OSBPL2: variants seen among roughly 807,000 people sequenced by gnomAD.
OSBPL2 encodes oxysterol-binding protein-related protein 2.
A neutral mutation model predicts 58.4 loss-of-function variants in OSBPL2; 18 were observed. The ratio of observed to expected loss-of-function variants is 0.31; its 90% CI spans 0.21 to 0.46. The LOEUF (loss-of-function observed/expected upper bound fraction) is 0.46. Among genes scored for constraint, OSBPL2 ranks in the 20% least tolerant of loss-of-function variants. OSBPL2 has a pLI of 1.00. For missense variants in OSBPL2, 461 were observed against 616.5 expected (o/e 0.75, Z 2.67); for synonymous variants, 221 against 234.1 (o/e 0.94, Z 0.51).
At chr20:62,251,479 G>A (rs1302147464) in intron 1 of OSBPL2, among the ~76,000 whole-genome samples, 2 of 150,758 alleles carry the variant, frequency 1.3e-5, no homozygotes, top group East Asian at 3.9e-4. Context: ...TGCAATCTCG[G>A]CTCACTGCAA....
At chr20:62,284,274 G>A (rs1982977285) in intron 10 of OSBPL2, 105 bp downstream of exon 10, 1 of 1,349,302 alleles carries the variant, frequency 7.4e-7, no homozygotes, top group South Asian at 1.2e-5. Flanking sequence ...GAACCTTTGG[G>A]CCCCACCAGG....
chr20:62,247,075 G>A (rs1238389770), intron 1 of OSBPL2, among the ~76,000 whole-genome samples: 1 of 152,200 alleles, frequency 6.6e-6, no homozygotes, highest in Non-Finnish European at 1.5e-5. Flanking sequence ...GCTTTGGTTT[G>A]CTCCTTGGCC....
At chr20:62,256,365 C>G in intron 2 of OSBPL2, 144 bp downstream of exon 2, 2 of 644,520 alleles carry the variant, frequency 3.1e-6, no homozygotes, top group Non-Finnish European at 5.2e-6. Flanking sequence ...ACGGACTGTT[C>G]AGCAAAACCT....
At position 62,293,838 on chromosome 20, in the gene OSBPL2, C is replaced by G; in HGVS notation, c.1394C>G (p.Ala465Gly). 6.2e-7 allele frequency: 1 copy of G among 1,614,096 alleles called. No individual in the cohort carries two copies. Among genetic ancestry groups the G allele is most frequent in the Non-Finnish European group, 8.5e-7 (1 of 1,179,992 alleles). Residue 465 changes from alanine (A) to glycine (G), a missense_variant, in exon 14 of 14, where the codon GCA (alanine) becomes GGA (glycine). By Grantham distance (60) the Ala-to-Gly change is moderately conservative. Around this residue, in one of 5 missense-constraint regions of OSBPL2, gnomAD observed 319 missense variants for 419.2 expected, o/e 0.76. Transcript: ENST00000313733. ...PYTGTPDWLYAGDYFERNFSD... is the reference protein window; with the variant it reads ...PYTGTPDWLYGGDYFERNFSD... ...ACTGGGACCCCCGACTGGTTGTATG[C>G]AGGGGATTACTTTGAGCGGAATTTC...
rs899182432 is a variant in OSBPL2 at position 62,269,527 on chromosome 20, CCT to C, written c.259-2594_259-2593del. On this transcript the variant is annotated intron_variant, in intron 4 of 13. Transcript: ENST00000313733. This position sits in a 1 kb window ranked among gnomAD's most constrained non-coding sequence, Gnocchi z 4.2. Reference sequence around the variant, plus strand: ...TGCACACAGTTGCGATACCATCTCTCCTCTCCTGAGCAAGGCAGCGTCTCCCC... The same window carrying C: ...TGCACACAGTTGCGATACCATCTCTCCTCCTGAGCAAGGCAGCGTCTCCCC... 2.0e-5 allele frequency among the ~76,000 whole-genome samples: 3 copies of C among 152,216 alleles called. No individual in the cohort carries two copies. The highest frequency in any genetic ancestry group is 7.2e-5 in the African/African-American group (3 of 41,448).
intron 11 of OSBPL2, 97 bp downstream of exon 11, chr20:62,286,808 C>T (rs1009460510): frequency 1.4e-6 from 2 of 1,403,304 alleles, no homozygotes; most frequent in African/African-American, 1.4e-5. Flanking sequence ...GGGCCCTTGC[C>T]TGCCGCCTCG....
intron 3 of OSBPL2, among the ~76,000 whole-genome samples, chr20:62,261,352 C>A (rs1043087026): frequency 6.8e-6 from 1 of 147,602 alleles, no homozygotes; most frequent in East Asian, 2.0e-4. Context: ...AAAGGCAGGA[C>A]AAGTGTCAGG....
intron 1 of OSBPL2, among the ~76,000 whole-genome samples, chr20:62,241,970 C>G (rs1285835203): frequency 6.6e-6 from 1 of 151,584 alleles, no homozygotes; most frequent in East Asian, 1.9e-4. Context: ...GATTTATAAC[C>G]TTATCTACAC....
intron 1 of OSBPL2, among the ~76,000 whole-genome samples, chr20:62,248,294 A>G (rs1980287612): frequency 6.6e-6 from 1 of 151,582 alleles, no homozygotes; most frequent in Non-Finnish European, 1.5e-5. Context: ...AGCTGAGATT[A>G]AAAGTGCACG....
intron 1 of OSBPL2, among the ~76,000 whole-genome samples, chr20:62,243,564 A>G (rs2145910708): frequency 6.6e-6 from 1 of 152,284 alleles, no homozygotes; most frequent in East Asian, 1.9e-4. Context: ...TCTCATCAGA[A>G]AAGCTGGGGG....
Position 62,293,763 on chromosome 20 carries a change from C to A in OSBPL2, c.1341-22C>A, listed in dbSNP as rs780545827. 5 of 1,609,578 alleles carry A rather than the reference C, an allele frequency of 3.1e-6. No individual in the cohort carries two copies. The South Asian group carries it at 3.3e-5, about 11-fold the overall frequency. ...CCTTTTGGGCTGAGCATCTTCTGACCCCCCTCCCTTGTATCCGGCAGGTGG... is the reference window on the plus strand; with the variant it reads ...CCTTTTGGGCTGAGCATCTTCTGACACCCCTCCCTTGTATCCGGCAGGTGG... On this transcript the variant is annotated intron_variant, in intron 13 of 13. Coordinates refer to ENST00000313733, the MANE Select transcript of OSBPL2 (RefSeq NM_144498.4).
Position 62,260,257 on chromosome 20 carries a change from C to T in OSBPL2, c.182+132C>T, listed in dbSNP as rs867151788. 1.4e-4 allele frequency: 112 copies of T among 802,308 alleles called. 1 individual carries two copies. Among genetic ancestry groups the T allele is most frequent in the South Asian group, 1.1e-3 (62 of 57,364 alleles). 49.7% of individuals were successfully genotyped at this position (802,308 alleles called of 1,614,324 possible). On this transcript the variant is annotated intron_variant, in intron 3 of 13. Coordinates refer to ENST00000313733, the MANE Select transcript of OSBPL2 (RefSeq NM_144498.4). ...CCCACAGCTGTCTGGCCTCCCCATC[C>T]GGACAGCCTCCTCTGTCTGGCCAGC...
At chr20:62,260,196 C>T (rs993377613) in intron 3 of OSBPL2, 71 bp downstream of exon 3, 1 of 1,453,304 alleles carries the variant, frequency 6.9e-7, no homozygotes, top group African/African-American at 1.4e-5. Context: ...GCAGGGTACC[C>T]CTCAGCCCTC....
intron 1 of OSBPL2, among the ~76,000 whole-genome samples, chr20:62,251,722 A>C (rs1980557700): frequency 6.6e-6 from 1 of 151,398 alleles, no homozygotes; most frequent in African/African-American, 2.4e-5. Flanking sequence ...GTGACATCTT[A>C]AAAATGAGCA....
chr20:62,285,368 C>G (rs191556119), intron 10 of OSBPL2: 1 of 152,206 alleles, frequency 6.6e-6, no homozygotes, highest in Non-Finnish European at 1.5e-5. Flanking sequence ...GCCCCAGCCT[C>G]GGGCCATGGT....
At chr20:62,266,682 C>T (rs1297059928) in intron 4 of OSBPL2, among the ~76,000 whole-genome samples, 2 of 152,184 alleles carry the variant, frequency 1.3e-5, no homozygotes, top group East Asian at 1.9e-4. Context: ...CTTCTCTCCT[C>T]CCTCGTATTT....
chr20:62,249,536 G>A (rs1433007382), intron 1 of OSBPL2, among the ~76,000 whole-genome samples: 2 of 152,070 alleles, frequency 1.3e-5, no homozygotes, highest in Admixed American at 1.3e-4. Flanking sequence ...CAATTATGAA[G>A]CCTAACTTTT....
chr20:62,280,164 A>G, intron 7 of OSBPL2: 1 of 1,240,138 alleles, frequency 8.1e-7, no homozygotes, highest in Non-Finnish European at 1.1e-6. Context: ...TGTTGTAGGC[A>G]GCAGGTCCTA....
chr20:62,258,180 G>T (rs1311074864), intron 2 of OSBPL2, among the ~76,000 whole-genome samples: 1 of 152,198 alleles, frequency 6.6e-6, no homozygotes, highest in African/African-American at 2.4e-5. Flanking sequence ...CAAGGATGAG[G>T]TGGAAGGGAC....
Sources: allele counts gnomAD v4.1 joint callset (sites outside exome capture counted in the v4.1 genomes callset), GRCh38; gene constraint gnomAD v4.1.1; regional missense constraint gnomAD v4.1.1; non-coding constraint Gnocchi (gnomAD v3.1); transcripts MANE v1.5; gene names NCBI Gene and HGNC (gene_info 2026-07-23, HGNC 2026-07-21).